MAD1L1: variants seen among roughly 807,000 people sequenced by gnomAD.
MAD1L1 encodes mitotic spindle assembly checkpoint protein MAD1.
Under a neutral mutation model 96.9 loss-of-function variants are expected in MAD1L1, and 95 were observed. That is an observed-to-expected ratio of 0.98 (90% confidence interval 0.83 to 1.16). The LOEUF is 1.16. Among genes scored for constraint, MAD1L1 ranks in the 50% most tolerant of loss-of-function variants. The pLI, the probability that MAD1L1 is intolerant of heterozygous loss-of-function variation, is 0.00. For missense variants in MAD1L1, 1,007 were observed against 954.4 expected (o/e 1.06, Z -0.73); for synonymous variants, 473 against 396.6 (o/e 1.19, Z -2.29).
chr7:2,038,018 T>A (rs1783515751), intron 12 of MAD1L1, among the ~76,000 whole-genome samples: 2 of 152,262 alleles, frequency 1.3e-5, no homozygotes, highest in South Asian at 4.2e-4. Flanking sequence ...AAGGGAAAGT[T>A]CTTGGAGGAA....
chr7:1,894,344 C>A (rs907023549), intron 18 of MAD1L1, among the ~76,000 whole-genome samples: 6 of 152,184 alleles, frequency 3.9e-5, no homozygotes, highest in African/African-American at 1.4e-4. Flanking sequence ...CTAAATGTTG[C>A]AGGCCCTCCA....
At chr7:1,955,862 G>C (rs1470599080) in intron 16 of MAD1L1, among the ~76,000 whole-genome samples, 1 of 152,088 alleles carries the variant, frequency 6.6e-6, no homozygotes, top group East Asian at 1.9e-4. Flanking sequence ...TCAGTTATTT[G>C]ACTTGTGACC....
intron 17 of MAD1L1, among the ~76,000 whole-genome samples, chr7:1,904,640 G>A (rs1583724390): frequency 7.9e-6 from 1 of 126,404 alleles, no homozygotes; most frequent in South Asian, 2.9e-4. Flanking sequence ...GTGGCCTATG[G>A]AAGACGCTCT....
chr7:1,948,923 T>C (rs974616046), intron 16 of MAD1L1, among the ~76,000 whole-genome samples: 1 of 152,118 alleles, frequency 6.6e-6, no homozygotes, highest in African/African-American at 2.4e-5. Context: ...ACGAGATGCA[T>C]AGCTCTGGAG....
At chr7:1,894,679 G>A (rs146295684) in intron 18 of MAD1L1, among the ~76,000 whole-genome samples, 1 of 152,124 alleles carries the variant, frequency 6.6e-6, no homozygotes, top group Admixed American at 6.5e-5. Context: ...GGCGCAGGAA[G>A]GTCTGGGAGG....
At chr7:2,223,152 C>A (rs1240472018) in intron 4 of MAD1L1, among the ~76,000 whole-genome samples, 1 of 152,214 alleles carries the variant, frequency 6.6e-6, no homozygotes, top group Non-Finnish European at 1.5e-5. Flanking sequence ...CTGTCCGGCA[C>A]TGAAAGGAGC....
chr7:1,994,382 C>T (rs3996328), intron 14 of MAD1L1, among the ~76,000 whole-genome samples: 63,986 of 152,038 alleles, frequency 0.42, 14,633 homozygotes, highest in African/African-American at 0.61. Flanking sequence ...AAAAGACATC[C>T]TCAGAGGGGG....
chr7:2,131,663 C>A (rs1390779219), intron 11 of MAD1L1, among the ~76,000 whole-genome samples: 2 of 152,228 alleles, frequency 1.3e-5, no homozygotes, highest in Non-Finnish European at 1.5e-5. Context: ...GGTTCTCATC[C>A]AGAGAGCAGC....
At chr7:2,189,996 C>T (rs1791644295) in intron 10 of MAD1L1, among the ~76,000 whole-genome samples, 1 of 151,950 alleles carries the variant, frequency 6.6e-6, no homozygotes, top group Non-Finnish European at 1.5e-5. Context: ...CCAGTGAGTG[C>T]ACTAAGGCAA....
At chr7:1,976,532 C>T (rs948913639) in intron 15 of MAD1L1, among the ~76,000 whole-genome samples, 3 of 152,178 alleles carry the variant, frequency 2.0e-5, no homozygotes, top group Non-Finnish European at 4.4e-5. Flanking sequence ...TAAAGCAGTG[C>T]GGACCCAAAG....
intron 12 of MAD1L1, among the ~76,000 whole-genome samples, chr7:2,033,269 G>A (rs1286300800): frequency 3.3e-5 from 5 of 152,198 alleles, no homozygotes; most frequent in African/African-American, 4.8e-5. Context: ...ACCTGGGTGC[G>A]GAGCCCCAGT....
intron 17 of MAD1L1, among the ~76,000 whole-genome samples, chr7:1,899,464 T>G (rs1176945524): frequency 6.6e-6 from 1 of 152,064 alleles, no homozygotes; most frequent in East Asian, 1.9e-4. Context: ...CCCTCCACTA[T>G]GACGAGGGAC....
chr7:2,220,965 T>A (rs778608833), intron 5 of MAD1L1: 2 of 1,612,384 alleles, frequency 1.2e-6, no homozygotes, highest in East Asian at 2.2e-5. Flanking sequence ...CGCCGGACAG[T>A]TGGCAAGGAA....
At chr7:2,181,762 G>A (rs770641682) in intron 10 of MAD1L1, among the ~76,000 whole-genome samples, 2 of 152,000 alleles carry the variant, frequency 1.3e-5, no homozygotes, top group South Asian at 2.1e-4. Flanking sequence ...GCAAAGATAC[G>A]GAACCAGCCT....
At chr7:2,061,035 C>CA (rs1784639626) in intron 12 of MAD1L1, among the ~76,000 whole-genome samples, 1 of 152,182 alleles carries the variant, frequency 6.6e-6, no homozygotes, top group South Asian at 2.1e-4. Context: ...AAGAACAAGG[C>CA]AAACAATCAT....
chr7:1,954,820 C>T (rs1779657064), intron 16 of MAD1L1, among the ~76,000 whole-genome samples: 1 of 152,204 alleles, frequency 6.6e-6, no homozygotes, highest in African/African-American at 2.4e-5. Flanking sequence ...GTGCCCCGAG[C>T]TCTCCCACCC....
intron 11 of MAD1L1, among the ~76,000 whole-genome samples, chr7:2,130,180 C>T (rs34111510): frequency 0.19 from 28,546 of 152,272 alleles, 3,094 homozygotes; most frequent in Middle Eastern, 0.34. Flanking sequence ...CAGCAGGTGC[C>T]TGGCTGGGCG....
At chr7:1,895,258 G>A (rs1190607102) in intron 18 of MAD1L1, among the ~76,000 whole-genome samples, 2 of 152,204 alleles carry the variant, frequency 1.3e-5, no homozygotes, top group Non-Finnish European at 2.9e-5. Flanking sequence ...TGGGGTCTTG[G>A]CAACCATGAT....
At chr7:2,038,498 C>CTTTTTTTTTTTTTTT (rs60466584) in intron 12 of MAD1L1, among the ~76,000 whole-genome samples, 9 of 92,856 alleles carry the variant, frequency 9.7e-5, no homozygotes, top group Non-Finnish European at 1.7e-4. Flanking sequence ...AAGCTGATGA[C>CTTTTTTTTTTTTTTT]TTTTTTTTTT....
Sources: allele counts gnomAD v4.1 joint callset (sites outside exome capture counted in the v4.1 genomes callset), GRCh38; gene constraint gnomAD v4.1.1; transcripts MANE v1.5; gene names NCBI Gene and HGNC (gene_info 2026-07-23, HGNC 2026-07-21).